The following EYS variants were observed in gnomAD, a reference collection of about 807,000 sequenced individuals.
EYS encodes protein eyes shut homolog.
EYS carries 250 observed loss-of-function variants against 282.1 expected under a neutral mutation model. The ratio of observed to expected loss-of-function variants is 0.89; its 90% CI spans 0.80 to 0.98. EYS has a LOEUF of 0.98. Among genes scored for constraint, EYS ranks in the 50% least tolerant of loss-of-function variants. The probability of loss-of-function intolerance (pLI) is 0.00; values close to 1 mark genes in which losing one functional copy is unlikely to be tolerated. For missense variants in EYS, 4,016 were observed against 3,709.0 expected, an observed-to-expected ratio of 1.08 and a Z score of -2.15; for synonymous variants, 1,355 against 1,282.9, an observed-to-expected ratio of 1.06 and a Z score of -1.20.
intron 14 of EYS, among the ~76,000 whole-genome samples, chr6:64,954,955 G>A (rs546056338): frequency 3.3e-5 from 5 of 152,208 alleles, no homozygotes; most frequent in Admixed American, 2.6e-4. Flanking sequence ...GATCACCTGA[G>A]ATCAGGAGTT....
At chr6:63,986,898 C>A (rs909592730) in intron 34 of EYS, among the ~76,000 whole-genome samples, 67 of 151,176 alleles carry the variant, frequency 4.4e-4, no homozygotes, top group African/African-American at 1.6e-3. Flanking sequence ...ACCCATGTAA[C>A]AAACCTTCAC....
chr6:65,109,827 T>G (rs1414712698), intron 12 of EYS, among the ~76,000 whole-genome samples: 1 of 152,150 alleles, frequency 6.6e-6, no homozygotes, highest in African/African-American at 2.4e-5. Context: ...CTACTTCTAT[T>G]CACCCTCTCG....
At chr6:64,647,207 G>A (rs1028113218) in intron 22 of EYS, among the ~76,000 whole-genome samples, 1 of 151,998 alleles carries the variant, frequency 6.6e-6, no homozygotes, top group Admixed American at 6.6e-5. Flanking sequence ...CTATTTTTAT[G>A]TACCAAATTT....
rs1562272809 is a variant in EYS, at chr6:64,950,835, T to TATATATATATATATA, written c.2260-4922_2260-4921insTATATATATATATAT. ...TATATATATATATATATATATATATTGTTGAATTGTTACAAGAACAACTGA... is the reference window on the plus strand; with the variant it reads ...TATATATATATATATATATATATATTATATATATATATATAGTTGAATTGTTACAAGAACAACTGA... On this transcript the variant is annotated intron_variant, in intron 14 of 42. Transcript: ENST00000503581. 1.0e-3 allele frequency among the ~76,000 whole-genome samples: 51 copies of TATATATATATATATA among 50,138 alleles called. 2 individuals are homozygous for TATATATATATATATA. The highest frequency in any genetic ancestry group is 1.7e-3 in the Admixed American group (7 of 4,006). 32.9% of individuals were successfully genotyped at this position (50,138 alleles called of 152,430 possible).
intron 26 of EYS, among the ~76,000 whole-genome samples, chr6:64,462,520 G>A (rs1775781005): frequency 6.6e-6 from 1 of 151,942 alleles, no homozygotes; most frequent in South Asian, 2.1e-4. Context: ...TCTAACTAGT[G>A]GAAGTTTTAA....
chr6:64,987,909 C>T (rs972333059), intron 14 of EYS, among the ~76,000 whole-genome samples: 1 of 151,316 alleles, frequency 6.6e-6, no homozygotes, highest in South Asian at 2.1e-4. Context: ...ATTTAATACA[C>T]TTGTGTTTAA....
At chr6:64,648,244 A>G (rs1352130220) in intron 22 of EYS, among the ~76,000 whole-genome samples, 1 of 152,140 alleles carries the variant, frequency 6.6e-6, no homozygotes, top group African/African-American at 2.4e-5. Context: ...CCCTGGTCTT[A>G]CTAGTTTCTC....
intron 30 of EYS, among the ~76,000 whole-genome samples, chr6:64,271,130 C>A (rs1241366734): frequency 6.6e-6 from 1 of 152,160 alleles, no homozygotes; most frequent in African/African-American, 2.4e-5. Flanking sequence ...CATTCTTCTG[C>A]ATATTTCCTG....
intron 23 of EYS, among the ~76,000 whole-genome samples, chr6:64,625,629 G>A (rs761008752): frequency 2.7e-4 from 41 of 152,112 alleles, no homozygotes; most frequent in Non-Finnish European, 4.3e-4. Flanking sequence ...CTATACTATC[G>A]TATTGTTGAT....
chr6:64,032,998 A>G (rs1377207962), intron 33 of EYS, among the ~76,000 whole-genome samples: 2 of 152,202 alleles, frequency 1.3e-5, no homozygotes, highest in South Asian at 2.1e-4. Context: ...CAAGAGTCTT[A>G]GAAGCTCTTT....
intron 35 of EYS, among the ~76,000 whole-genome samples, chr6:63,956,258 C>G (rs1765816073): frequency 6.6e-6 from 1 of 152,214 alleles, no homozygotes; most frequent in African/African-American, 2.4e-5. Context: ...CCTGCCTTAA[C>G]TGGTGACATT....
intron 5 of EYS, among the ~76,000 whole-genome samples, chr6:65,441,691 C>T (rs1768334654): frequency 6.6e-6 from 1 of 151,956 alleles, no homozygotes; most frequent in African/African-American, 2.4e-5. Context: ...AGTCAACCTA[C>T]AAAATAGGTA....
chr6:64,932,257 T>C (rs571405851), intron 15 of EYS, among the ~76,000 whole-genome samples: 2 of 152,102 alleles, frequency 1.3e-5, no homozygotes, highest in African/African-American at 4.8e-5. Flanking sequence ...ATAGTACAGG[T>C]ATGCATTTGA....
chr6:65,587,963 T>C (rs1765111706), intron 2 of EYS, among the ~76,000 whole-genome samples: 1 of 152,132 alleles, frequency 6.6e-6, no homozygotes. Context: ...TATCTTAAGT[T>C]TGAACAATAA....
In EYS at chr6:64,686,841, GTATA is replaced by G. The variant is rs1279094020; in HGVS notation, c.3444-60600_3444-60597del. ...TATATGTGTATATATATATATACGT[GTATA>G]TATATATATGTGTATATATATACGT... On this transcript the variant is annotated intron_variant, in intron 22 of 42. Transcript: ENST00000503581. 5.4e-3 allele frequency among the ~76,000 whole-genome samples: 535 copies of G among 98,726 alleles called. 134 individuals carry two copies. The highest frequency in any genetic ancestry group is 0.021 in the African/African-American group (497 of 23,520). The allele number at this position is 98,726 out of a possible 152,430, so 64.8% of individuals were successfully genotyped here.
rs1258617027 is a variant in EYS at position 65,260,506 on chromosome 6, C to A, written c.2023+35357G>T. On this transcript the variant is annotated intron_variant, in intron 12 of 42. Coordinates refer to ENST00000503581, the MANE Select transcript of EYS (RefSeq NM_001142800.2). ...AATGTTTCAAGTACCCACCACAATG[C>A]CACTTTTTCCATAAAGCTTTTCTTC... 1.6e-4 allele frequency among the ~76,000 whole-genome samples: 25 copies of A among 152,010 alleles called. 1 individual carries two copies. Among genetic ancestry groups the A allele is most frequent in the Admixed American group, 1.6e-3 (25 of 15,204 alleles).
chr6:63,740,990 T>C (rs555582535), intron 41 of EYS, among the ~76,000 whole-genome samples: 36 of 152,320 alleles, frequency 2.4e-4, no homozygotes, highest in Non-Finnish European at 4.9e-4. Flanking sequence ...TTTCTGGCAG[T>C]GAATCATCTT....
At chr6:65,548,554 C>T (rs956078523) in intron 2 of EYS, among the ~76,000 whole-genome samples, 12 of 152,154 alleles carry the variant, frequency 7.9e-5, no homozygotes, top group Non-Finnish European at 1.6e-4. Flanking sequence ...GTTTCCACAG[C>T]GATTCAATCT....
intron 12 of EYS, among the ~76,000 whole-genome samples, chr6:65,060,927 T>C (rs566571547): frequency 9.9e-5 from 15 of 151,816 alleles, no homozygotes; most frequent in Non-Finnish European, 1.6e-4. Context: ...GTTAAATGAA[T>C]GAAAAATTAA....
Sources: gnomAD v4.1 joint callset for allele counts (sites outside exome capture counted in the v4.1 genomes callset) on GRCh38, gnomAD v4.1.1 for gene constraint, MANE v1.5 for transcripts, NCBI Gene and HGNC (gene_info 2026-07-23, HGNC 2026-07-21) for gene names.